TENM2: variants seen among roughly 807,000 people sequenced by gnomAD.
TENM2 encodes teneurin transmembrane protein 2.
Under a neutral mutation model 245.2 loss-of-function variants are expected in TENM2, and 52 were observed. The ratio of observed to expected loss-of-function variants is 0.21; its 90% CI spans 0.17 to 0.27. The LOEUF (loss-of-function observed/expected upper bound fraction) is 0.27. Ranked by LOEUF, TENM2 falls within the 10% of genes least tolerant of loss-of-function variation. The pLI is 1.00. For missense variants in TENM2, 3,046 were observed against 3,666.8 expected, an observed-to-expected ratio of 0.83 and a Z score of 4.37; for synonymous variants, 1,363 against 1,438.9, an observed-to-expected ratio of 0.95 and a Z score of 1.19.
At chr5:166,988,408 T>C in the TENM2 span, among the ~76,000 whole-genome samples, 2 of 152,248 alleles carry the variant, frequency 1.3e-5, no homozygotes, top group African/African-American at 2.4e-5. Context: ...GTTTATCTCT[T>C]ACTGCCAGTC....
intron 2 of TENM2, among the ~76,000 whole-genome samples, chr5:167,789,360 T>G (rs780842204): frequency 4.1e-4 from 62 of 152,212 alleles, no homozygotes; most frequent in Admixed American, 7.2e-4. Flanking sequence ...CAGTGGCTGC[T>G]TCACCCTCAT....
At position 167,445,311 on chromosome 5, in the gene TENM2, T is replaced by TTATATATATATATATA. The variant is rs755614167; in HGVS notation, c.502+69849_502+69864dup. 1.7e-4 allele frequency among the ~76,000 whole-genome samples: 12 copies of TTATATATATATATATA among 69,974 alleles called. No homozygotes were observed. In the South Asian group the frequency reaches 2.0e-3, roughly 12 times the overall value. 45.9% of individuals were successfully genotyped at this position (69,974 alleles called of 152,430 possible). A position where few individuals can be genotyped will look rare whatever the true frequency, so the allele number is the denominator to read the frequency against. ...GTCAGGCTTATTATAAACCATATGA[T>TTATATATATATATATA]TATATATATATATATATATATATAT... is the stretch of plus-strand genomic sequence containing the variant. On this transcript the variant is annotated intron_variant, in intron 2 of 28. Coordinates refer to ENST00000518659, the Ensembl canonical transcript of TENM2.
chr5:167,143,844 G>A, the TENM2 span, among the ~76,000 whole-genome samples: 10 of 152,102 alleles, frequency 6.6e-5, no homozygotes, highest in South Asian at 4.2e-4. Flanking sequence ...TTCACATTTC[G>A]CACTTGCTTT....
the TENM2 span, among the ~76,000 whole-genome samples, chr5:167,029,637 A>G: frequency 3.9e-5 from 6 of 152,290 alleles, no homozygotes; most frequent in East Asian, 7.7e-4. Flanking sequence ...TAAAATTGGA[A>G]TAAAAATCCC....
intron 2 of TENM2, among the ~76,000 whole-genome samples, chr5:167,469,279 T>C (rs1340161600): frequency 6.6e-6 from 1 of 152,166 alleles, no homozygotes; most frequent in Non-Finnish European, 1.5e-5. Context: ...GATGGTTACT[T>C]AAAAAACATA....
intron 27 of TENM2, among the ~76,000 whole-genome samples, chr5:168,258,496 G>A (rs1374881174): frequency 6.6e-6 from 1 of 151,828 alleles, no homozygotes; most frequent in Admixed American, 6.5e-5. Context: ...GCAAGGCTCA[G>A]TCTCAAAAAA....
intron 1 of TENM2, among the ~76,000 whole-genome samples, chr5:167,347,695 T>TCCCTTCCTCCCTTCTTCCC (rs1212054318): frequency 6.6e-6 from 1 of 152,094 alleles, no homozygotes; most frequent in East Asian, 1.9e-4. Context: ...CCTTTCTTTC[T>TCCCTTCCTCCCTTCTTCCC]CCCTTCCTCC....
intron 4 of TENM2, among the ~76,000 whole-genome samples, chr5:167,988,345 G>A (rs540222972): frequency 3.3e-5 from 5 of 152,234 alleles, no homozygotes; most frequent in East Asian, 3.9e-4. Context: ...GACAGGATGC[G>A]GCGTGAACAA....
At chr5:168,068,641 T>C (rs1369834343) in intron 7 of TENM2, among the ~76,000 whole-genome samples, 2 of 152,066 alleles carry the variant, frequency 1.3e-5, no homozygotes, top group East Asian at 3.9e-4. Flanking sequence ...TCAAGAAGAA[T>C]AGGACTGGGA....
At chr5:167,696,202 C>T (rs1757757236) in intron 2 of TENM2, among the ~76,000 whole-genome samples, 1 of 152,048 alleles carries the variant, frequency 6.6e-6, no homozygotes, top group South Asian at 2.1e-4. Flanking sequence ...GTTTGATTAC[C>T]TGTGAGTGTT....
the TENM2 span, among the ~76,000 whole-genome samples, chr5:167,193,881 T>C: frequency 6.6e-6 from 1 of 152,090 alleles, no homozygotes; most frequent in African/African-American, 2.4e-5. Context: ...CAATGTGCTT[T>C]ACAGACACCA....
intron 2 of TENM2, among the ~76,000 whole-genome samples, chr5:167,562,761 A>C: frequency 6.6e-6 from 1 of 152,074 alleles, no homozygotes. Context: ...GTTCAAGACC[A>C]GCCTGGCCAA....
chr5:167,019,165 G>A, the TENM2 span, among the ~76,000 whole-genome samples: 10 of 151,832 alleles, frequency 6.6e-5, no homozygotes, highest in South Asian at 2.1e-4. Context: ...CCATCCATCC[G>A]TCCATCCATC....
intron 1 of TENM2, among the ~76,000 whole-genome samples, chr5:167,353,048 A>G (rs1315827297): frequency 1.3e-5 from 2 of 152,164 alleles, no homozygotes; most frequent in African/African-American, 2.4e-5. Context: ...TTTTCATTTC[A>G]TATTTATGAG....
the TENM2 span, among the ~76,000 whole-genome samples, chr5:167,047,962 A>G: frequency 2.6e-5 from 4 of 152,008 alleles, no homozygotes; most frequent in Admixed American, 1.3e-4. Flanking sequence ...GCAAAAACAA[A>G]CAAACAAAAA....
intron 6 of TENM2, among the ~76,000 whole-genome samples, chr5:168,053,382 G>C (rs2152063670): frequency 6.6e-6 from 1 of 152,164 alleles, no homozygotes; most frequent in East Asian, 1.9e-4. Flanking sequence ...TTCCCTTTCT[G>C]TGCATTTGCC....
intron 2 of TENM2, among the ~76,000 whole-genome samples, chr5:167,819,272 G>T (rs924790871): frequency 6.6e-6 from 1 of 152,110 alleles, no homozygotes; most frequent in Non-Finnish European, 1.5e-5. Context: ...CTCAGACAGC[G>T]CTTTTCCTCC....
At chr5:167,239,002 C>T in the TENM2 span, among the ~76,000 whole-genome samples, 4 of 152,200 alleles carry the variant, frequency 2.6e-5, no homozygotes, top group South Asian at 2.1e-4. Context: ...ATACTTGGTT[C>T]GTAAATAGAG....
the TENM2 span, among the ~76,000 whole-genome samples, chr5:167,012,414 C>T: frequency 1.3e-5 from 2 of 152,124 alleles, no homozygotes; most frequent in Admixed American, 1.3e-4. Context: ...AATGTTTAAA[C>T]AACCAGTAAG....
Sources: gnomAD v4.1 joint callset for allele counts (sites outside exome capture counted in the v4.1 genomes callset) on GRCh38, gnomAD v4.1.1 for gene constraint, MANE v1.5 for transcripts, NCBI Gene and HGNC (gene_info 2026-07-23, HGNC 2026-07-21) for gene names.